The following ISY1 variants were observed in gnomAD, a reference collection of about 807,000 sequenced individuals.
ISY1 encodes pre-mRNA-splicing factor ISY1 homolog.
In ISY1, 12 loss-of-function variants were observed where a neutral mutation model predicts 54.4. The observed-to-expected ratio is 0.22, with a 90% CI of 0.14 to 0.36. The LOEUF is 0.36. Ranked by LOEUF, ISY1 falls within the 10% of genes least tolerant of loss-of-function variation. ISY1 has a pLI of 1.00. For synonymous variants in ISY1, 96 were observed against 117.9 expected, an observed-to-expected ratio of 0.81 and a Z score of 1.20; for missense variants, 282 against 342.2, an observed-to-expected ratio of 0.82 and a Z score of 1.39.
At chr3:129,150,671 C>T (rs1359178408) in intron 5 of ISY1, among the ~76,000 whole-genome samples, 1 of 151,808 alleles carries the variant, frequency 6.6e-6, no homozygotes, top group Non-Finnish European at 1.5e-5. Context: ...TGCACTCCAG[C>T]CTGGACGCCA....
intron 6 of ISY1, among the ~76,000 whole-genome samples, chr3:129,145,548 G>A (rs562130213): frequency 3.3e-5 from 5 of 152,206 alleles, no homozygotes; most frequent in Admixed American, 6.6e-5. Flanking sequence ...ACACGAGGCC[G>A]AGAGATGAAG....
intron 5 of ISY1, among the ~76,000 whole-genome samples, chr3:129,151,614 G>A (rs1302505016): frequency 6.6e-6 from 1 of 152,084 alleles, no homozygotes; most frequent in Non-Finnish European, 1.5e-5. Context: ...GGGTGACAGA[G>A]CGAGACTCCA....
chr3:129,132,845 A>C (rs1936274875), intron 9 of ISY1, among the ~76,000 whole-genome samples: 1 of 152,242 alleles, frequency 6.6e-6, no homozygotes, highest in Non-Finnish European at 1.5e-5. Flanking sequence ...ACCTGCACTG[A>C]ACCCCAGTGC....
intron 10 of ISY1, among the ~76,000 whole-genome samples, 177 bp from the exon 11 acceptor site, chr3:129,130,365 G>A (rs1218718710): frequency 6.6e-6 from 1 of 152,178 alleles, no homozygotes; most frequent in Non-Finnish European, 1.5e-5. Flanking sequence ...CGATAGAATG[G>A]CCTAGAGCAG....
chr3:129,133,405 G>A (rs970217723), intron 9 of ISY1, among the ~76,000 whole-genome samples: 1 of 152,154 alleles, frequency 6.6e-6, no homozygotes, highest in Non-Finnish European at 1.5e-5. Context: ...TGTAAGACAG[G>A]GGTGTTAGGG....
chr3:129,146,620 A>C (rs1020139916), intron 5 of ISY1, among the ~76,000 whole-genome samples: 51 of 152,252 alleles, frequency 3.3e-4, no homozygotes, highest in African/African-American at 1.2e-3. Flanking sequence ...TGGGCATGAG[A>C]GGACTTCTAG....
chr3:129,145,474 C>T (rs772113283), intron 6 of ISY1, among the ~76,000 whole-genome samples: 3 of 152,150 alleles, frequency 2.0e-5, no homozygotes, highest in Non-Finnish European at 2.9e-5. Flanking sequence ...CTGCCCGCCT[C>T]GGCCTCCCAA....
intron 3 of ISY1, among the ~76,000 whole-genome samples, chr3:129,157,683 T>C (rs982782568): frequency 1.5e-5 from 2 of 133,766 alleles, no homozygotes; most frequent in Non-Finnish European, 3.0e-5. Context: ...ATCACGCCAC[T>C]GCACTCCAGC....
chr3:129,154,570 CTTA>C (rs1186702081), intron 5 of ISY1, among the ~76,000 whole-genome samples: 1 of 151,480 alleles, frequency 6.6e-6, no homozygotes. Flanking sequence ...GTAATATTTC[CTTA>C]TTATCCTTTT....
At chr3:129,156,956 A>G (rs1256526441) in intron 3 of ISY1, 36 bp from the exon 4 acceptor site, 1 of 1,608,666 alleles carries the variant, frequency 6.2e-7, no homozygotes, top group Non-Finnish European at 8.5e-7. Flanking sequence ...CCATTATACT[A>G]TTTACAAGTT....
intron 7 of ISY1, among the ~76,000 whole-genome samples, chr3:129,140,117 T>G (rs779661959): frequency 2.6e-5 from 4 of 152,234 alleles, no homozygotes; most frequent in Admixed American, 6.5e-5. Flanking sequence ...GACTGACAGA[T>G]TAGCACCTGC....
chr3:129,151,965 C>A (rs1936985296), intron 5 of ISY1, among the ~76,000 whole-genome samples: 1 of 152,048 alleles, frequency 6.6e-6, no homozygotes, highest in South Asian at 2.1e-4. Context: ...TCGAGACCAG[C>A]CTTGCCAACA....
Position 129,132,991 on chromosome 3 carries a change from T to C in ISY1, c.663+1083A>G, listed in dbSNP as rs191434461. On this transcript the variant is annotated intron_variant, in intron 9 of 10. Transcript: ENST00000393295. ...TGTGGAACCTGAGCCATCATCCATG[T>C]GTGGGTGATCCCCTCCCTTCTCTCA... is the stretch of plus-strand genomic sequence containing the variant. 2.8e-3 allele frequency among the ~76,000 whole-genome samples: 425 copies of C among 152,282 alleles called. 11 individuals carry two copies. Among genetic ancestry groups the C allele is most frequent in the Admixed American group, 0.024 (374 of 15,296 alleles).
chr3:129,134,784 C>T, intron 8 of ISY1, 48 bp downstream of exon 8: 4 of 1,560,180 alleles, frequency 2.6e-6, no homozygotes, highest in Non-Finnish European at 3.5e-6. Flanking sequence ...AAGGACACAA[C>T]AGAAAACAGA....
chr3:129,155,067 T>A (rs1411769931), intron 5 of ISY1, among the ~76,000 whole-genome samples: 1 of 151,948 alleles, frequency 6.6e-6, no homozygotes, highest in African/African-American at 2.4e-5. Context: ...TGATTTCTTA[T>A]CTTTACTATT....
chr3:129,151,628 C>T (rs1347346470), intron 5 of ISY1, among the ~76,000 whole-genome samples: 1 of 151,216 alleles, frequency 6.6e-6, no homozygotes, highest in Non-Finnish European at 1.5e-5. Flanking sequence ...GACTCCATCT[C>T]AAAAAAAAGA....
chr3:129,152,091 G>A (rs568495234), intron 5 of ISY1, among the ~76,000 whole-genome samples: 15 of 152,024 alleles, frequency 9.9e-5, no homozygotes, highest in African/African-American at 2.7e-4. Context: ...CCTGAGAGGC[G>A]GAGGTTGCAT....
chr3:129,152,622 G>GGA (rs1053343755), intron 5 of ISY1, among the ~76,000 whole-genome samples: 2 of 152,030 alleles, frequency 1.3e-5, no homozygotes, highest in Non-Finnish European at 2.9e-5. Flanking sequence ...TAGCCAGGAT[G>GGA]GTTTCGATCT....
chr3:129,138,594 A>G (rs1936505281), intron 7 of ISY1, among the ~76,000 whole-genome samples: 2 of 151,990 alleles, frequency 1.3e-5, no homozygotes, highest in South Asian at 2.1e-4. Context: ...CAGTGAGCCA[A>G]GATTGGGCCA....
Sources: allele counts gnomAD v4.1 joint callset (sites outside exome capture counted in the v4.1 genomes callset), GRCh38; gene constraint gnomAD v4.1.1; transcripts MANE v1.5; gene names NCBI Gene and HGNC (gene_info 2026-07-23, HGNC 2026-07-21).